PCDHAC1: variants seen among roughly 807,000 people sequenced by gnomAD.
PCDHAC1 encodes the protein protocadherin alpha subfamily C, 1.
In PCDHAC1, 42 loss-of-function variants were observed where a neutral mutation model predicts 60.0. That is an observed-to-expected ratio of 0.70 (90% confidence interval 0.55 to 0.90). The LOEUF (loss-of-function observed/expected upper bound fraction) is 0.90. PCDHAC1 is among the 40% of genes least tolerant of loss of function. PCDHAC1 has a pLI of 0.00. For synonymous variants in PCDHAC1, 468 were observed against 499.3 expected (o/e 0.94, Z 0.84); for missense variants, 1,160 against 1,222.3 (o/e 0.95, Z 0.76).
intron 1 of PCDHAC1, among the ~76,000 whole-genome samples, chr5:140,960,218 A>G (rs2095532618): frequency 6.6e-6 from 1 of 152,206 alleles, no homozygotes; most frequent in Non-Finnish European, 1.5e-5. Flanking sequence ...CAGGATCTCA[A>G]GAAACAGAGC....
intron 1 of PCDHAC1, among the ~76,000 whole-genome samples, chr5:140,951,227 G>A (rs181202222): frequency 1.3e-5 from 2 of 152,044 alleles, no homozygotes; most frequent in African/African-American, 2.4e-5. Flanking sequence ...ATTCTTGATG[G>A]TCTTTACCTT....
At chr5:140,967,548 C>T (rs782750678) in intron 1 of PCDHAC1, 15 of 1,613,922 alleles carry the variant, frequency 9.3e-6, no homozygotes, top group Non-Finnish European at 1.3e-5. Context: ...GACCAGTCCA[C>T]TTATCGCGTC....
intron 1 of PCDHAC1, among the ~76,000 whole-genome samples, chr5:140,972,283 A>C (rs2096528536): frequency 2.7e-5 from 4 of 149,876 alleles, no homozygotes; most frequent in Admixed American, 2.7e-4. Flanking sequence ...TGGACCATAG[A>C]TGTGCGCCAC....
chr5:140,955,171 C>G (rs887184603), intron 1 of PCDHAC1, among the ~76,000 whole-genome samples: 2 of 152,158 alleles, frequency 1.3e-5, no homozygotes, highest in African/African-American at 2.4e-5. Context: ...GTTTTGGTTA[C>G]TGTAGTTTTG....
At chr5:140,968,097 G>A in intron 1 of PCDHAC1, 1 of 1,614,112 alleles carries the variant, frequency 6.2e-7, no homozygotes, top group Non-Finnish European at 8.5e-7. Flanking sequence ...GCCACAGATG[G>A]GGGAATACCG....
At chr5:140,938,930 A>T (rs2092272913) in intron 1 of PCDHAC1, among the ~76,000 whole-genome samples, 1 of 152,066 alleles carries the variant, frequency 6.6e-6, no homozygotes, top group African/African-American at 2.4e-5. Flanking sequence ...ATTGGCTTTT[A>T]ACTTTCCATT....
chr5:140,941,202 C>CCTTCCTTTCTTTCTTTCTTT lies in PCDHAC1; in HGVS notation c.2433+11880_2433+11881insCCTTTCTTTCTTTCTTTCTT, dbSNP rs1554213920. 2.0e-4 allele frequency among the ~76,000 whole-genome samples: 24 copies of CCTTCCTTTCTTTCTTTCTTT among 122,828 alleles called. 1 individual carries two copies. Among genetic ancestry groups the CCTTCCTTTCTTTCTTTCTTT allele is most frequent in the Non-Finnish European group, 2.3e-4 (13 of 55,838 alleles). The allele number at this position is 122,828 out of a possible 152,430, so 80.6% of individuals were successfully genotyped here. A position where few individuals can be genotyped will look rare whatever the true frequency, so the allele number is the denominator to read the frequency against. ...TCCTGCTTCTTTTTTTTTCTTTCTTCCTTTCTTTCTTCCTTTCTTTCTTTC... is the reference window on the plus strand; with the variant it reads ...TCCTGCTTCTTTTTTTTTCTTTCTTCCTTCCTTTCTTTCTTTCTTTCTTTCTTTCTTCCTTTCTTTCTTTC... On this transcript the variant is annotated intron_variant, in intron 1 of 3. Coordinates refer to ENST00000253807, the MANE Select transcript of PCDHAC1 (RefSeq NM_018898.5).
At chr5:140,959,815 C>T (rs1239999748) in intron 1 of PCDHAC1, among the ~76,000 whole-genome samples, 1 of 151,920 alleles carries the variant, frequency 6.6e-6, no homozygotes, top group Non-Finnish European at 1.5e-5. Context: ...TATATTTTAC[C>T]CACATGATAA....
chr5:140,971,771 T>C (rs1433692038), intron 1 of PCDHAC1, among the ~76,000 whole-genome samples: 1 of 152,192 alleles, frequency 6.6e-6, no homozygotes, highest in Non-Finnish European at 1.5e-5. Context: ...TCTTGAATAT[T>C]ATTCAAGATT....
intron 3 of PCDHAC1, among the ~76,000 whole-genome samples, chr5:141,002,788 A>G (rs1013908430): frequency 6.6e-6 from 1 of 152,192 alleles, no homozygotes; most frequent in Admixed American, 6.5e-5. Context: ...TCTCCATTTT[A>G]TGGATGAGGA....
chr5:140,997,567 G>A (rs1163598467), intron 3 of PCDHAC1, among the ~76,000 whole-genome samples: 1 of 152,130 alleles, frequency 6.6e-6, no homozygotes, highest in Non-Finnish European at 1.5e-5. Flanking sequence ...ACTGTCATAT[G>A]TGTGGTCCGT....
intron 1 of PCDHAC1, among the ~76,000 whole-genome samples, chr5:140,945,145 T>C (rs1310475283): frequency 2.6e-5 from 4 of 152,128 alleles, no homozygotes; most frequent in African/African-American, 2.4e-5. Flanking sequence ...CAATAGCATT[T>C]CTATACACTA....
At position 141,010,386 on chromosome 5, in the gene PCDHAC1, T is replaced by C; in HGVS notation, c.*449T>C. On this transcript the variant is annotated 3_prime_UTR_variant, in exon 4 of 4. Coordinates refer to ENST00000253807, the MANE Select transcript of PCDHAC1 (RefSeq NM_018898.5). ...GGGTATGCGAGTGCCAGATATTGGCTGAGACGAGCCAGCTTAGACTAATTG... is the reference window on the plus strand; with the variant it reads ...GGGTATGCGAGTGCCAGATATTGGCCGAGACGAGCCAGCTTAGACTAATTG... The C allele has an allele frequency of 7.1e-7, 1 of 1,413,970 alleles. No homozygotes were observed. The highest frequency in any genetic ancestry group is 9.4e-7 in the Non-Finnish European group (1 of 1,063,616). 87.6% of individuals were successfully genotyped at this position (1,413,970 alleles called of 1,614,324 possible). A position where few individuals can be genotyped will look rare whatever the true frequency, so the allele number is the denominator to read the frequency against.
chr5:140,989,242 C>T (rs562894633), intron 3 of PCDHAC1, among the ~76,000 whole-genome samples: 5 of 152,226 alleles, frequency 3.3e-5, no homozygotes, highest in African/African-American at 1.2e-4. Flanking sequence ...GTTTTAAGCC[C>T]CTTGTCAAAA....
chr5:140,971,787 A>G (rs1554233619), intron 1 of PCDHAC1, among the ~76,000 whole-genome samples: 5 of 152,124 alleles, frequency 3.3e-5, no homozygotes, highest in Admixed American at 1.3e-4. Context: ...AGATTATTCA[A>G]TATATTGAAT....
intron 3 of PCDHAC1, among the ~76,000 whole-genome samples, chr5:141,000,399 A>ATT (rs2097917152): frequency 1.5e-5 from 1 of 66,842 alleles, no homozygotes; most frequent in Non-Finnish European, 2.7e-5. Context: ...CTCTCTCTAT[A>ATT]TATATATATA....
At chr5:140,980,730 A>G (rs1227353445) in intron 2 of PCDHAC1, among the ~76,000 whole-genome samples, 2 of 152,176 alleles carry the variant, frequency 1.3e-5, no homozygotes, top group Non-Finnish European at 2.9e-5. Context: ...CAATTAAGAT[A>G]TTATGAGATT....
intron 1 of PCDHAC1, among the ~76,000 whole-genome samples, chr5:140,933,412 A>G (rs1466318521): frequency 2.6e-5 from 4 of 152,066 alleles, no homozygotes; most frequent in Non-Finnish European, 5.9e-5. Flanking sequence ...ATCTACAGAT[A>G]TTCTGTGTTC....
chr5:140,972,758 A>G lies in PCDHAC1; in HGVS notation c.2434-6191A>G, dbSNP rs563540989. Among the ~76,000 whole-genome samples, 16 of 150,884 alleles carry G rather than the reference A, an allele frequency of 1.1e-4. No individual in the cohort carries two copies. In the South Asian group the frequency reaches 3.4e-3, roughly 32 times the overall value. On this transcript the variant is annotated intron_variant, in intron 1 of 3. Transcript: ENST00000253807. ...GGCTCACTGCAACCTCCGCCTCCCA[A>G]GTTAAAGTGATTCTTCTGCCTCAGC...
Sources: allele counts gnomAD v4.1 joint callset (sites outside exome capture counted in the v4.1 genomes callset), GRCh38; gene constraint gnomAD v4.1.1; transcripts MANE v1.5; gene names NCBI Gene and HGNC (gene_info 2026-07-23, HGNC 2026-07-21).